RBM5: variants seen among roughly 807,000 people sequenced by gnomAD.
RBM5 encodes RNA binding motif protein 5.
In RBM5, 15 loss-of-function variants were observed where a neutral mutation model predicts 124.6. The observed-to-expected ratio is 0.12, with a 90% CI of 0.08 to 0.19. The LOEUF is 0.19. RBM5 is among the 10% of genes least tolerant of loss of function. The pLI is 1.00. For missense variants in RBM5, 580 were observed against 1,026.5 expected (o/e 0.57, Z 5.94); for synonymous variants, 337 against 361.2 (o/e 0.93, Z 0.76).
intron 10 of RBM5, among the ~76,000 whole-genome samples, chr3:50,106,331 G>A (rs1268074985): frequency 6.6e-6 from 1 of 151,676 alleles, no homozygotes; most frequent in African/African-American, 2.4e-5. Flanking sequence ...TAGTAGAGAT[G>A]GGGTTTCACT....
At chr3:50,101,950 A>C (rs1235632221) in intron 6 of RBM5, 2 of 152,172 alleles carry the variant, frequency 1.3e-5, no homozygotes, top group Non-Finnish European at 2.9e-5. Context: ...CAGTGAGTGG[A>C]TGGCCCTTCA....
At chr3:50,103,807 A>G (rs914583363) in intron 7 of RBM5, among the ~76,000 whole-genome samples, 1 of 152,202 alleles carries the variant, frequency 6.6e-6, no homozygotes, top group Non-Finnish European at 1.5e-5. Context: ...TGCTAAAGTT[A>G]TATAAGGTTT....
Position 50,107,470 on chromosome 3 carries a change from T to A in RBM5, c.954-12T>A. Reference sequence around the variant, plus strand: ...GTGATAGAATCACATGATTGGATCTTTGTGGTTTCAGAGACTTGGTCCTCT... The same window carrying A: ...GTGATAGAATCACATGATTGGATCTATGTGGTTTCAGAGACTTGGTCCTCT... On this transcript the variant is annotated splice_polypyrimidine_tract_variant and intron_variant, in intron 11 of 24. Transcript: ENST00000347869. 1 of 1,564,796 alleles carries A rather than the reference T, an allele frequency of 6.4e-7. No individual in the cohort carries two copies. Among genetic ancestry groups the A allele is most frequent in the East Asian group, 2.2e-5 (1 of 44,556 alleles).
At chr3:50,109,547 T>G in intron 14 of RBM5, 56 bp from the exon 15 acceptor site, 1 of 1,391,054 alleles carries the variant, frequency 7.2e-7, no homozygotes, top group Non-Finnish European at 1.0e-6. Context: ...CAAATAAAGA[T>G]GTTTGGGTTG....
chr3:50,092,819 C>T, intron 3 of RBM5: 1 of 418,262 alleles, frequency 2.4e-6, no homozygotes, highest in Non-Finnish European at 4.9e-6. Context: ...GAGGCCGAGG[C>T]AGGAGGATCC....
At position 50,117,213 on chromosome 3, in the gene RBM5, T is replaced by A; in HGVS notation, c.2193-37T>A. The stretch of plus-strand genomic sequence containing the variant: ...TTTTCCAGTTCGTAAGCTGGGGCCC[T>A]GGCTGTTTTAAGTAACTGTGTGTTT... On this transcript the variant is annotated intron_variant, in intron 23 of 24. Coordinates refer to ENST00000347869, the MANE Select transcript of RBM5 (RefSeq NM_005778.4). The surrounding 1 kb of genome is among the most constrained non-coding windows in gnomAD (Gnocchi z 4.2). The A allele has an allele frequency of 1.9e-6, 3 of 1,614,190 alleles. No individual in the cohort carries two copies. Among genetic ancestry groups the A allele is most frequent in the Non-Finnish European group, 2.5e-6 (3 of 1,180,006 alleles).
chr3:50,106,705 T>G (rs1438731443), intron 10 of RBM5, 62 bp from the exon 11 acceptor site: 13 of 1,171,968 alleles, frequency 1.1e-5, no homozygotes, highest in Non-Finnish European at 1.7e-5. Flanking sequence ...TTGAATGGGG[T>G]GGATGGTAGG....
At chr3:50,107,348 C>A in intron 11 of RBM5, 134 bp from the exon 12 acceptor site, 1 of 708,516 alleles carries the variant, frequency 1.4e-6, no homozygotes, top group Non-Finnish European at 2.5e-6. Flanking sequence ...CATGAAGAGC[C>A]CTCCCCCTGT....
At chr3:50,102,052 A>G (rs2090950251) in intron 6 of RBM5, 1 of 152,196 alleles carries the variant, frequency 6.6e-6, no homozygotes. Flanking sequence ...AGGATTTGCA[A>G]GAACCAAATT....
chr3:50,111,031 A>G (rs986369098), intron 17 of RBM5: 3 of 463,532 alleles, frequency 6.5e-6, no homozygotes, highest in African/African-American at 2.0e-5. Flanking sequence ...ATACATGTCT[A>G]TACATTTGTA....
chr3:50,097,192 G>A (rs188122220), intron 4 of RBM5, among the ~76,000 whole-genome samples: 21 of 152,128 alleles, frequency 1.4e-4, no homozygotes, highest in African/African-American at 4.6e-4. Flanking sequence ...TCAGGAGATC[G>A]AGACCATCCT....
rs1468628142 is a variant in RBM5 at position 50,109,701 on chromosome 3, T to C, written c.1278+13T>C. 6.2e-7 allele frequency: 1 copy of C among 1,605,690 alleles called. No homozygotes were observed. Among genetic ancestry groups the C allele is most frequent in the East Asian group, 2.2e-5 (1 of 44,864 alleles). On this transcript the variant is annotated intron_variant, in intron 15 of 24. Coordinates refer to ENST00000347869, the MANE Select transcript of RBM5 (RefSeq NM_005778.4). ...ACCTGGCTCTCCGGTAATCCTGTTGTCCTATATACAAAACTCGTGGCTGAT... is the reference window on the plus strand; with the variant it reads ...ACCTGGCTCTCCGGTAATCCTGTTGCCCTATATACAAAACTCGTGGCTGAT...
chr3:50,109,536 A>G, intron 14 of RBM5, 67 bp from the exon 15 acceptor site: 26 of 1,310,720 alleles, frequency 2.0e-5, no homozygotes, highest in Non-Finnish European at 2.9e-5. Flanking sequence ...ATTGGGCATT[A>G]CAAATAAAGA....
chr3:50,116,955 C>G, intron 22 of RBM5, 119 bp from the exon 23 acceptor site: 2 of 896,834 alleles, frequency 2.2e-6, no homozygotes, highest in Non-Finnish European at 3.5e-6. Flanking sequence ...TCAGAGCAGT[C>G]TAAAAAAAGC....
At chr3:50,113,196 T>G (rs1459210663) in intron 17 of RBM5, 187 bp from the exon 18 acceptor site, 1 of 496,990 alleles carries the variant, frequency 2.0e-6, no homozygotes, top group Non-Finnish European at 3.6e-6. Context: ...ATTTTTACTC[T>G]AGCAGTGTCA....
intron 4 of RBM5, among the ~76,000 whole-genome samples, chr3:50,095,463 C>A (rs944524055): frequency 6.6e-6 from 1 of 152,116 alleles, no homozygotes; most frequent in African/African-American, 2.4e-5. Flanking sequence ...AAAAGGACGG[C>A]TCATTCAGAC....
At position 50,104,048 on chromosome 3, in the gene RBM5, T is replaced by A. The variant is rs1171394618; in HGVS notation, c.568-200T>A. On this transcript the variant is annotated intron_variant, in intron 7 of 24. Transcript: ENST00000347869. ...ATAATAATGGGATTCTTCTTCAACA[T>A]ACAACAAACTTTGTTTTTCTTGGGA... Among the ~76,000 whole-genome samples the A allele has an allele frequency of 1.3e-5, 2 of 152,194 alleles. 1 individual carries two copies. The highest frequency in any genetic ancestry group is 1.3e-4 in the Admixed American group (2 of 15,288).
chr3:50,115,708 A>G, intron 21 of RBM5, 101 bp downstream of exon 21: 2 of 1,370,188 alleles, frequency 1.5e-6, no homozygotes, highest in Non-Finnish European at 2.0e-6. Flanking sequence ...CTGCCATCTA[A>G]TGATGGCCTT....
chr3:50,103,600 C>T (rs560260075), intron 7 of RBM5, among the ~76,000 whole-genome samples: 10 of 152,232 alleles, frequency 6.6e-5, no homozygotes, highest in African/African-American at 2.4e-4. Flanking sequence ...GAGCCAAGAT[C>T]GCGCCACTGC....
Sources: gnomAD v4.1 joint callset for allele counts (sites outside exome capture counted in the v4.1 genomes callset) on GRCh38, gnomAD v4.1.1 for gene constraint, Gnocchi (gnomAD v3.1) non-coding constraint, MANE v1.5 for transcripts, NCBI Gene and HGNC (gene_info 2026-07-23, HGNC 2026-07-21) for gene names.